Variants in GSDMC observed in about 807,000 individuals in gnomAD.
GSDMC encodes gasdermin C.
Under a neutral mutation model 58.0 loss-of-function variants are expected in GSDMC, and 59 were observed. The ratio of observed to expected loss-of-function variants is 1.02; its 90% CI spans 0.82 to 1.26. The LOEUF (loss-of-function observed/expected upper bound fraction) is 1.26, where lower values mean the gene tolerates loss of function less well. Among genes scored for constraint, GSDMC ranks in the 50% most tolerant of loss-of-function variants. GSDMC has a pLI of 0.00. For missense variants in GSDMC, 659 were observed against 598.5 expected, an observed-to-expected ratio of 1.10 and a Z score of -1.06; for synonymous variants, 241 against 220.2, an observed-to-expected ratio of 1.09 and a Z score of -0.83.
the GSDMC span, among the ~76,000 whole-genome samples, chr8:129,732,066 A>T: frequency 3.9e-5 from 6 of 152,294 alleles, no homozygotes; most frequent in South Asian, 2.1e-4. Context: ...ATACAATAGC[A>T]TCAAGAGGTG....
At chr8:129,751,026 C>G (rs60559615) in intron 10 of GSDMC, among the ~76,000 whole-genome samples, 2,749 of 152,224 alleles carry the variant, frequency 0.018, 89 homozygotes, top group African/African-American at 0.062. Context: ...AATCCCAGCA[C>G]TTCGGGAGGC....
At chr8:129,764,367 T>C (rs926361911) in intron 4 of GSDMC, among the ~76,000 whole-genome samples, 4 of 152,168 alleles carry the variant, frequency 2.6e-5, no homozygotes, top group African/African-American at 9.7e-5. Context: ...TCTTAGGAAA[T>C]AATTCTTCAA....
intron 1 of GSDMC, among the ~76,000 whole-genome samples, chr8:129,779,722 T>C (rs2130571459): frequency 6.6e-6 from 1 of 152,148 alleles, no homozygotes; most frequent in Admixed American, 6.5e-5. Context: ...TAATAAAATG[T>C]AATTTTGAAT....
At chr8:129,754,241 TG>T (rs1477857956) in intron 6 of GSDMC, among the ~76,000 whole-genome samples, 1 of 152,186 alleles carries the variant, frequency 6.6e-6, no homozygotes, top group Non-Finnish European at 1.5e-5. Context: ...GCAGAGCCAG[TG>T]GTGGTGGCCA....
chr8:129,780,816 A>G (rs1011640331), intron 1 of GSDMC, among the ~76,000 whole-genome samples: 3 of 152,222 alleles, frequency 2.0e-5, no homozygotes, highest in African/African-American at 7.2e-5. Context: ...CGATAAACCA[A>G]TCAAAAGCAA....
At chr8:129,768,523 A>G (rs2033942571) in intron 3 of GSDMC, among the ~76,000 whole-genome samples, 1 of 152,204 alleles carries the variant, frequency 6.6e-6, no homozygotes, top group Non-Finnish European at 1.5e-5. Context: ...AATAGAAACC[A>G]TTTTTTAAAA....
Position 129,779,500 on chromosome 8 carries a change from C to T in GSDMC, c.-4-1909G>A, listed in dbSNP as rs559401840. Among the ~76,000 whole-genome samples, 653 of 152,070 alleles carry T rather than the reference C, an allele frequency of 4.3e-3. 9 individuals carry two copies. The highest frequency in any genetic ancestry group is 0.015 in the African/African-American group (616 of 41,458). ...GGAGGGAGATGATCAGGAAAAATAA[C>T]GAATGGTTACTAGGCTTAATAACTG... On this transcript the variant is annotated intron_variant, in intron 1 of 13. Transcript: ENST00000276708.
chr8:129,722,354 T>C, the GSDMC span, among the ~76,000 whole-genome samples: 1 of 152,208 alleles, frequency 6.6e-6, no homozygotes, highest in Non-Finnish European at 1.5e-5. Context: ...GTTTTATTTC[T>C]GGTAGCCCAA....
Position 129,760,588 on chromosome 8 carries a change from G to A in GSDMC, c.678C>T (p.Ala226=). ...KRKQLVIKEK[A]ILISDDDEQR... is the part of the protein sequence containing the mutation. ...GTTCATCATCATCTGAGATGAGAAT[G>A]GCTGAATGGAAAAGAAGAACTTCCA... The change falls in exon 6 of 14, where the codon GCC becomes GCT. Residue 226 remains alanine, a splice_region_variant and synonymous_variant. Transcript: ENST00000276708. 6.3e-7 allele frequency: 1 copy of A among 1,586,910 alleles called. No individual in the cohort carries two copies. The highest frequency in any genetic ancestry group is 8.7e-7 in the Non-Finnish European group (1 of 1,155,950).
chr8:129,745,916 T>C (rs931194115), downstream of GSDMC, among the ~76,000 whole-genome samples: 2 of 126,730 alleles, frequency 1.6e-5, no homozygotes, highest in Non-Finnish European at 3.1e-5. Flanking sequence ...GCCATGACCT[T>C]AAGCACTGGA....
At chr8:129,728,573 C>G in the GSDMC span, among the ~76,000 whole-genome samples, 1 of 152,226 alleles carries the variant, frequency 6.6e-6, no homozygotes, top group Non-Finnish European at 1.5e-5. Flanking sequence ...CCACCTCCCC[C>G]CAGGGGCTAA....
the GSDMC span, among the ~76,000 whole-genome samples, chr8:129,739,430 C>T: frequency 6.6e-6 from 1 of 152,142 alleles, no homozygotes; most frequent in African/African-American, 2.4e-5. Flanking sequence ...TGAGAAATGT[C>T]TGTTTGGATC....
At chr8:129,776,347 A>G in intron 2 of GSDMC, 62 bp from the exon 3 acceptor site, 1 of 1,295,146 alleles carries the variant, frequency 7.7e-7, no homozygotes, top group Non-Finnish European at 1.1e-6. Context: ...TCAAAGGTTT[A>G]GCCAAGAACA....
intron 3 of GSDMC, among the ~76,000 whole-genome samples, chr8:129,767,709 C>T (rs2033912354): frequency 6.6e-6 from 1 of 152,134 alleles, no homozygotes; most frequent in African/African-American, 2.4e-5. Context: ...CGGAGCCCAG[C>T]CTGTGGCCTG....
chr8:129,783,763 C>T (rs555387658), intron 1 of GSDMC, among the ~76,000 whole-genome samples: 3 of 152,024 alleles, frequency 2.0e-5, no homozygotes, highest in Non-Finnish European at 1.5e-5. Context: ...TATGGAAACA[C>T]AAAAGACCCA....
the GSDMC span, among the ~76,000 whole-genome samples, chr8:129,735,004 T>C: frequency 6.6e-6 from 1 of 152,038 alleles, no homozygotes; most frequent in Non-Finnish European, 1.5e-5. Context: ...GGGGTTGCAA[T>C]CCTAGTCTCT....
Position 129,750,453 on chromosome 8 carries a change from G to T in GSDMC, c.1061C>A (p.Ala354Asp). 1 of 1,613,998 alleles carries T rather than the reference G, an allele frequency of 6.2e-7. No individual in the cohort carries two copies. Among genetic ancestry groups the T allele is most frequent in the Non-Finnish European group, 8.5e-7 (1 of 1,179,914 alleles). Residue 354 changes from alanine to aspartate, a missense_variant, in exon 11 of 14, where the codon GCT (alanine) becomes GAT (aspartate). Coordinates refer to ENST00000276708, the MANE Select transcript of GSDMC (RefSeq NM_031415.3). The part of the protein sequence containing the change: ...SILAMLRDRG[A>D]LQDLMNMLEL... ...CACCATGTTCATCAGGTCCTGTAGA[G>T]CCCCTCTGTCTCTGAGCATGGCCAG...
the GSDMC span, chr8:129,730,160 G>T: frequency 9.5e-7 from 1 of 1,048,260 alleles, no homozygotes. Flanking sequence ...ATAAAGAGCT[G>T]GCTATGAAAA....
chr8:129,748,402 CAG>C lies in GSDMC; in HGVS notation c.*97_*98del. 2 of 1,232,178 alleles carry C rather than the reference CAG, an allele frequency of 1.6e-6. No individual in the cohort carries two copies. The highest frequency in any genetic ancestry group is 1.7e-5 in the South Asian group (1 of 57,598). The allele number at this position is 1,232,178 out of a possible 1,614,324, so 76.3% of individuals were successfully genotyped here. On this transcript the variant is annotated 3_prime_UTR_variant, in exon 14 of 14. Coordinates refer to ENST00000276708, the MANE Select transcript of GSDMC (RefSeq NM_031415.3). The stretch of plus-strand genomic sequence containing the variant: ...ACTGTCTCTACTCCACCTGGAAACG[CAG>C]AGAGGCACAGCCCTATCTCTTGCAC...
Sources: allele counts gnomAD v4.1 joint callset (sites outside exome capture counted in the v4.1 genomes callset), GRCh38; gene constraint gnomAD v4.1.1; transcripts MANE v1.5; gene names NCBI Gene and HGNC (gene_info 2026-07-23, HGNC 2026-07-21).